The following MYO9A variants were observed in gnomAD, a reference collection of about 807,000 sequenced individuals.
MYO9A encodes unconventional myosin-IXa.
Under a neutral mutation model 293.3 loss-of-function variants are expected in MYO9A, and 103 were observed. That is an observed-to-expected ratio of 0.35 (90% CI 0.30 to 0.41). The LOEUF is 0.41. Ranked by LOEUF, MYO9A falls within the 10% of genes least tolerant of loss-of-function variation. The pLI, the probability that MYO9A is intolerant of heterozygous loss-of-function variation, is 1.00. For synonymous variants in MYO9A, 1,001 were observed against 1,035.7 expected (o/e 0.97, Z 0.64); for missense variants, 2,685 against 3,033.0 (o/e 0.89, Z 2.69).
rs2291280 is a variant in MYO9A, at chr15:71,827,899, T to C, written c.7168A>G (p.Ile2390Val). Residue 2390 changes from isoleucine (I) to valine (V), a missense_variant, in exon 41 of 42, where the codon ATC becomes GTC. Ile to Val is a conservative substitution (Grantham distance 29). This residue lies in a region of MYO9A where 350 missense variants were observed against 328.9 expected (regional missense o/e 1.06). Transcript: ENST00000356056. The part of the protein sequence containing the change: ...ENLNMESEYA[I>V]SEKSERSLAL... ...GTTCACTTACCTGATTTCTCAGAGA[T>C]AGCATATTCAGACTCCATATTCAAA... is the stretch of plus-strand genomic sequence containing the variant. 5.9e-3 allele frequency: 9,470 copies of C among 1,613,290 alleles called. 764 individuals carry two copies. The East Asian group carries it at 0.17, about 30-fold the overall frequency.
chr15:71,919,108 C>A (rs900133336), intron 18 of MYO9A, among the ~76,000 whole-genome samples: 10 of 152,092 alleles, frequency 6.6e-5, no homozygotes, highest in Non-Finnish European at 1.3e-4. Context: ...ATTATTTTTT[C>A]ATTTATTTGT....
intron 18 of MYO9A, among the ~76,000 whole-genome samples, chr15:71,925,227 A>ACG (rs1803027615): frequency 6.9e-6 from 1 of 144,950 alleles, no homozygotes; most frequent in African/African-American, 2.6e-5. Flanking sequence ...ATATACACAT[A>ACG]TATACACATA....
At chr15:72,038,079 G>A (rs754940462) in intron 2 of MYO9A, among the ~76,000 whole-genome samples, 10 of 151,974 alleles carry the variant, frequency 6.6e-5, no homozygotes, top group Non-Finnish European at 1.2e-4. Flanking sequence ...AACACATCCA[G>A]CTAATTTTCT....
chr15:71,949,396 G>T (rs113535120), intron 15 of MYO9A, among the ~76,000 whole-genome samples: 5 of 151,094 alleles, frequency 3.3e-5, no homozygotes, highest in Non-Finnish European at 7.4e-5. Flanking sequence ...TAGAGACAGG[G>T]TTTCACTATG....
At chr15:71,939,384 T>C (rs1356929817) in intron 15 of MYO9A, among the ~76,000 whole-genome samples, 1 of 152,190 alleles carries the variant, frequency 6.6e-6, no homozygotes, top group Non-Finnish European at 1.5e-5. Context: ...TAGACCTCAC[T>C]GTCTGTTGTT....
chr15:71,966,120 ACCC>A (rs955903417), intron 13 of MYO9A, among the ~76,000 whole-genome samples: 1 of 151,676 alleles, frequency 6.6e-6, no homozygotes, highest in Non-Finnish European at 1.5e-5. Flanking sequence ...CAGATGATCC[ACCC>A]ATCTCAGCCT....
intron 17 of MYO9A, among the ~76,000 whole-genome samples, chr15:71,934,493 G>A (rs932234254): frequency 3.3e-5 from 5 of 152,086 alleles, no homozygotes; most frequent in Non-Finnish European, 4.4e-5. Context: ...CAGTGATTCA[G>A]ACAAGGATTA....
At chr15:72,000,662 CAG>C (rs1434817581) in intron 8 of MYO9A, among the ~76,000 whole-genome samples, 1 of 152,074 alleles carries the variant, frequency 6.6e-6, no homozygotes, top group Non-Finnish European at 1.5e-5. Context: ...TTTTTTGAGA[CAG>C]AGTTTCACTC....
At chr15:71,942,075 T>C (rs1387402026) in intron 15 of MYO9A, among the ~76,000 whole-genome samples, 1 of 151,998 alleles carries the variant, frequency 6.6e-6, no homozygotes, top group Non-Finnish European at 1.5e-5. Flanking sequence ...ATACATTATA[T>C]ATAATCATAT....
At chr15:72,101,342 G>A (rs2080308556) in intron 1 of MYO9A, among the ~76,000 whole-genome samples, 2 of 143,724 alleles carry the variant, frequency 1.4e-5, no homozygotes, top group Admixed American at 6.8e-5. Flanking sequence ...GGAGGTCGGG[G>A]CGTCAGCCTC....
At chr15:72,033,834 T>G (rs1352385369) in intron 2 of MYO9A, among the ~76,000 whole-genome samples, 4 of 152,222 alleles carry the variant, frequency 2.6e-5, no homozygotes, top group Non-Finnish European at 5.9e-5. Flanking sequence ...TTTTTAAAAA[T>G]GAAGCCACTG....
At chr15:71,951,932 G>A (rs2059062222) in intron 14 of MYO9A, 36 bp from the exon 15 acceptor site, 10 of 1,554,726 alleles carry the variant, frequency 6.4e-6, no homozygotes, top group Non-Finnish European at 8.6e-6. Context: ...AAAAAAAAAG[G>A]AGAAAAGAAA....
Position 72,117,860 on chromosome 15 carries a change from C to T in MYO9A, c.-252G>A, listed in dbSNP as rs1026251311. On this transcript the variant is annotated 5_prime_UTR_variant, in exon 1 of 42. Coordinates refer to ENST00000356056, the MANE Select transcript of MYO9A (RefSeq NM_006901.4). Reference sequence around the variant, plus strand: ...CCGGGCGAGCGGCCGCGGCGCATCCCCCGCCCTGTCAGAGAGACTCCGCCC... The same window carrying T: ...CCGGGCGAGCGGCCGCGGCGCATCCTCCGCCCTGTCAGAGAGACTCCGCCC... 7.5e-6 allele frequency: 3 copies of T among 398,458 alleles called. No homozygotes were observed. Among genetic ancestry groups the T allele is most frequent in the Non-Finnish European group, 1.3e-5 (3 of 225,878 alleles). The allele number at this position is 398,458 out of a possible 1,614,324, so 24.7% of individuals were successfully genotyped here.
At chr15:71,960,379 CCTCT>C in intron 13 of MYO9A, 1 of 336,630 alleles carries the variant, frequency 3.0e-6, no homozygotes, top group South Asian at 4.4e-5. Context: ...CATCTCGTTC[CCTCT>C]CTCTTGCCAT....
chr15:71,954,915 T>TCA (rs1567313355), intron 14 of MYO9A, among the ~76,000 whole-genome samples: 1 of 152,224 alleles, frequency 6.6e-6, no homozygotes, highest in Non-Finnish European at 1.5e-5. Flanking sequence ...AAGGCCATTT[T>TCA]TAAAAGCCAT....
chr15:72,087,315 G>A (rs1316596856), intron 1 of MYO9A, among the ~76,000 whole-genome samples: 2 of 152,190 alleles, frequency 1.3e-5, no homozygotes, highest in South Asian at 2.1e-4. Flanking sequence ...CTAGGGAGAT[G>A]GGCATCCCTG....
At chr15:72,048,912 C>A (rs1486145615) in intron 1 of MYO9A, among the ~76,000 whole-genome samples, 1 of 152,134 alleles carries the variant, frequency 6.6e-6, no homozygotes, top group African/African-American at 2.4e-5. Flanking sequence ...ATTTTCAAAT[C>A]CACCTCATCT....
Position 72,032,633 on chromosome 15 carries a change from A to T in MYO9A, c.841-45T>A, listed in dbSNP as rs568920947. 1.6e-3 allele frequency: 1,932 copies of T among 1,223,464 alleles called. 2 individuals are homozygous for T. The highest frequency in any genetic ancestry group is 9.7e-3 in the African/African-American group (621 of 63,898). The allele number at this position is 1,223,464 out of a possible 1,614,324, so 75.8% of individuals were successfully genotyped here. The stretch of plus-strand genomic sequence containing the variant: ...TCATTAGTTTCACTAAAAAAAAAAA[A>T]TTTTTTTTTGGAGGGGGGATTAGGT... On this transcript the variant is annotated intron_variant, in intron 2 of 41. Transcript: ENST00000356056.
chr15:72,063,286 T>C (rs1566998409), intron 1 of MYO9A, among the ~76,000 whole-genome samples: 1 of 152,130 alleles, frequency 6.6e-6, no homozygotes, highest in Non-Finnish European at 1.5e-5. Context: ...GACCTGAAAC[T>C]CTCAAACCAC....
Sources: gnomAD v4.1 joint callset for allele counts (sites outside exome capture counted in the v4.1 genomes callset) on GRCh38, gnomAD v4.1.1 for gene constraint, gnomAD v4.1.1 regional missense constraint, MANE v1.5 for transcripts, NCBI Gene and HGNC (gene_info 2026-07-23, HGNC 2026-07-21) for gene names.